Variants in GCAT observed in about 807,000 individuals in gnomAD.
GCAT encodes glycine C-acetyltransferase.
GCAT carries 26 observed loss-of-function variants against 39.7 expected under a neutral mutation model. That is an observed-to-expected ratio of 0.65 (90% CI 0.48 to 0.91). GCAT has a LOEUF of 0.91. Among genes scored for constraint, GCAT ranks in the 40% least tolerant of loss-of-function variants. The pLI is 0.00. For missense variants in GCAT, 550 were observed against 576.2 expected, an observed-to-expected ratio of 0.95 and a Z score of 0.47; for synonymous variants, 218 against 237.2, an observed-to-expected ratio of 0.92 and a Z score of 0.74.
rs1922029506 is a variant in GCAT, at chr22:37,815,222, G to A, written c.673G>A (p.Gly225Ser). The change falls in exon 5 of 9, where the codon GGT (glycine) becomes AGT (serine). Residue 225 changes from glycine (G) to serine (S), a missense_variant. By Grantham distance (56) the Gly-to-Ser change is moderately conservative (BLOSUM62 0). Coordinates refer to ENST00000248924, the MANE Select transcript of GCAT (RefSeq NM_014291.4). Reference protein sequence around the residue: ...QEICCLASRYGALVFMDECHA... With the variant: ...QEICCLASRYSALVFMDECHA... ...GATCTGCTGCCTCGCCTCTAGATAT[G>A]GTGCCCTGGTCTTCATGGATGAATG... The A allele has an allele frequency of 1.2e-6, 2 of 1,613,976 alleles. No individual in the cohort carries two copies. The highest frequency in any genetic ancestry group is 1.7e-5 in the Admixed American group (1 of 60,004).
chr22:37,815,221 T>TG lies in GCAT; in HGVS notation c.674dup (p.Ala226CysfsTer7). 1 of 1,614,094 alleles carries TG rather than the reference T, an allele frequency of 6.2e-7. No individual in the cohort carries two copies. Among genetic ancestry groups the TG allele is most frequent in the Non-Finnish European group, 8.5e-7 (1 of 1,179,994 alleles). On this transcript the variant is annotated frameshift_variant, in exon 5 of 9. Transcript: ENST00000248924. LOFTEE classifies it high-confidence loss of function. ...AGATCTGCTGCCTCGCCTCTAGATATGGTGCCCTGGTCTTCATGGATGAAT... is the reference window on the plus strand; with the variant it reads ...AGATCTGCTGCCTCGCCTCTAGATATGGGTGCCCTGGTCTTCATGGATGAAT...
Position 37,815,849 on chromosome 22 carries a change from A to C in GCAT, c.986+15A>C. The C allele has an allele frequency of 6.2e-7, 1 of 1,613,204 alleles. No homozygotes were observed. The highest frequency in any genetic ancestry group is 8.5e-7 in the Non-Finnish European group (1 of 1,179,580). Reference sequence around the variant, plus strand: ...AAGACCCAGAGGTGCGACTCCCAGCAGGGCAGGCTCGGGGGCGGAGAGACG... The same window carrying C: ...AAGACCCAGAGGTGCGACTCCCAGCCGGGCAGGCTCGGGGGCGGAGAGACG... On this transcript the variant is annotated intron_variant, in intron 7 of 8. Transcript: ENST00000248924.
chr22:37,815,654 T>A lies in GCAT; in HGVS notation c.815-9T>A, dbSNP rs1352352116. On this transcript the variant is annotated splice_polypyrimidine_tract_variant and intron_variant, in intron 6 of 8. Transcript: ENST00000248924. ...CAACCCCTCCCCCCACCTCTTCCCTTCTTCTCAGGGGGCTACACGACAGGG... is the reference window on the plus strand; with the variant it reads ...CAACCCCTCCCCCCACCTCTTCCCTACTTCTCAGGGGGCTACACGACAGGG... The A allele has an allele frequency of 1.2e-5, 20 of 1,604,794 alleles. No homozygotes were observed. The highest frequency in any genetic ancestry group is 1.6e-5 in the Non-Finnish European group (19 of 1,173,240).
chr22:37,810,007 T>C lies in GCAT; in HGVS notation c.197-20T>C. On this transcript the variant is annotated intron_variant, in intron 1 of 8. Coordinates refer to ENST00000248924, the MANE Select transcript of GCAT (RefSeq NM_014291.4). ...TGCCCCACCTGAGCTGCTGTATCCA[T>C]CTCCTCTCCTTCACCTCAGGAATCC... 6.2e-7 allele frequency: 1 copy of C among 1,613,594 alleles called. No individual in the cohort carries two copies. The highest frequency in any genetic ancestry group is 8.5e-7 in the Non-Finnish European group (1 of 1,179,676).
intron 8 of GCAT, 115 bp downstream of exon 8, chr22:37,816,436 G>A: frequency 6.5e-7 from 1 of 1,528,664 alleles, no homozygotes; most frequent in South Asian, 1.2e-5. Flanking sequence ...TAGGCCAGCT[G>A]TCTGTCTAAG....
intron 2 of GCAT, 45 bp downstream of exon 2, chr22:37,810,202 C>A: frequency 7.2e-7 from 1 of 1,389,982 alleles, no homozygotes; most frequent in Non-Finnish European, 1.0e-6. Flanking sequence ...ACCCCAGCTG[C>A]CTGCTTCCCA....
At chr22:37,814,140 GC>G (rs2145927904) in intron 4 of GCAT, among the ~76,000 whole-genome samples, 1 of 152,226 alleles carries the variant, frequency 6.6e-6, no homozygotes, top group African/African-American at 2.4e-5. Context: ...TCACTCTGTT[GC>G]CCAGGCTGTA....
intron 3 of GCAT, 148 bp from the exon 4 acceptor site, chr22:37,813,315 G>T: frequency 2.3e-6 from 2 of 888,882 alleles, no homozygotes; most frequent in Admixed American, 2.0e-5. Flanking sequence ...AGACACGGGG[G>T]CCCCAGAGAG....
chr22:37,813,075 C>T, intron 3 of GCAT, 87 bp downstream of exon 3: 1 of 954,422 alleles, frequency 1.0e-6, no homozygotes, highest in South Asian at 1.3e-5. Flanking sequence ...GAGAACCTAG[C>T]AGGATTCAGT....
At chr22:37,815,864 G>T (rs1922131353) in intron 7 of GCAT, 30 bp downstream of exon 7, 1 of 1,610,618 alleles carries the variant, frequency 6.2e-7, no homozygotes, top group African/African-American at 1.3e-5. Context: ...AGGCTCGGGG[G>T]CGGAGAGACG....
intron 1 of GCAT, among the ~76,000 whole-genome samples, chr22:37,809,796 G>A (rs1921366199): frequency 6.6e-6 from 1 of 152,110 alleles, no homozygotes; most frequent in East Asian, 1.9e-4. Context: ...CTCCAACCTG[G>A]GCGACAGAGC....
rs1314646945 is a variant in GCAT, at chr22:37,812,946, C to G, written c.387C>G (p.Ile129Met). ...IARFHQREDA[I>M]LYPSCYDANA... The stretch of plus-strand genomic sequence containing the variant: ...GCTTCCACCAGCGGGAGGATGCCAT[C>G]CTCTATCCCAGCTGTTATGACGCCA... The change falls in exon 3 of 9, where the codon ATC becomes ATG. Residue 129 changes from isoleucine (I) to methionine (M), a missense_variant. Coordinates refer to ENST00000248924, the MANE Select transcript of GCAT (RefSeq NM_014291.4). 1.9e-6 allele frequency: 3 copies of G among 1,613,890 alleles called. No individual in the cohort carries two copies. Among genetic ancestry groups the G allele is most frequent in the Non-Finnish European group, 2.5e-6 (3 of 1,179,834 alleles).
At position 37,808,180 on chromosome 22, in the gene GCAT, G is replaced by T; in HGVS notation, c.196+17G>T. On this transcript the variant is annotated intron_variant, in intron 1 of 8. Transcript: ENST00000248924. ...TCTCCGGAGGTAACGCTCCGTTCCG[G>T]GAGTCGTTCCAAGACCTTTCCCGAG... is the stretch of plus-strand genomic sequence containing the variant. 6.8e-7 allele frequency: 1 copy of T among 1,472,130 alleles called. No individual in the cohort carries two copies. Among genetic ancestry groups the T allele is most frequent in the Non-Finnish European group, 9.0e-7 (1 of 1,108,596 alleles). 91.2% of individuals were successfully genotyped at this position (1,472,130 alleles called of 1,614,324 possible). A position where few individuals can be genotyped will look rare whatever the true frequency, so the allele number is the denominator to read the frequency against.
Position 37,815,036 on chromosome 22 carries a change from G to C in GCAT, c.577-90G>C, listed in dbSNP as rs1314626383. The C allele has an allele frequency of 3.8e-6, 5 of 1,323,470 alleles. No homozygotes were observed. In the East Asian group the frequency reaches 1.2e-4, roughly 31 times the overall value. The allele number at this position is 1,323,470 out of a possible 1,614,324, so 82.0% of individuals were successfully genotyped here. On this transcript the variant is annotated intron_variant, in intron 4 of 8. Coordinates refer to ENST00000248924, the MANE Select transcript of GCAT (RefSeq NM_014291.4). ...CACCTCTGTGCTGGGCACTGGGCAG[G>C]ATGAGCTCTCAGAGCTCCAAGCAGC... is the stretch of plus-strand genomic sequence containing the variant.
intron 2 of GCAT, among the ~76,000 whole-genome samples, chr22:37,812,044 A>T (rs1921657658): frequency 6.6e-6 from 1 of 152,018 alleles, no homozygotes; most frequent in Admixed American, 6.6e-5. Flanking sequence ...TCAAGAGTCC[A>T]TGCTGGCTGG....
chr22:37,808,064 G>C lies in GCAT; in HGVS notation c.97G>C (p.Gly33Arg), dbSNP rs754629774. The C allele has an allele frequency of 6.4e-7, 1 of 1,565,340 alleles. No homozygotes were observed. Among genetic ancestry groups the C allele is most frequent in the Admixed American group, 1.9e-5 (1 of 53,024 alleles). Reference sequence around the variant, plus strand: ...GGCCCAGCTGCGTGGCATTCTGGAGGGGGAGCTGGAAGGCATCCGCGGAGC... The same window carrying C: ...GGCCCAGCTGCGTGGCATTCTGGAGCGGGAGCTGGAAGGCATCCGCGGAGC... ...ALAQLRGILE[G>R]ELEGIRGAGT... is the part of the protein sequence containing the mutation. Residue 33 changes from glycine (G) to arginine (R), a missense_variant, in exon 1 of 9, where the codon GGG (glycine) becomes CGG (arginine). Physicochemically the swap from Gly to Arg is moderately radical, Grantham distance 125. Around this residue, in one of 3 missense-constraint regions of GCAT, gnomAD observed 154 missense variants for 141.9 expected, o/e 1.08. Coordinates refer to ENST00000248924, the MANE Select transcript of GCAT (RefSeq NM_014291.4).
intron 8 of GCAT, 45 bp from the exon 9 acceptor site, chr22:37,816,522 C>G: frequency 6.2e-7 from 1 of 1,609,614 alleles, no homozygotes; most frequent in East Asian, 2.2e-5. Flanking sequence ...TGTTCTGCCC[C>G]CAAGCCTGTT....
intron 6 of GCAT, 25 bp downstream of exon 6, chr22:37,815,525 G>A (rs1280245339): frequency 1.3e-6 from 2 of 1,585,414 alleles, no homozygotes; most frequent in Non-Finnish European, 1.7e-6. Context: ...GTGTCCCTGG[G>A]GTCCCCTTGT....
At chr22:37,811,585 A>G (rs1039209871) in intron 2 of GCAT, among the ~76,000 whole-genome samples, 7 of 151,886 alleles carry the variant, frequency 4.6e-5, no homozygotes, top group Admixed American at 1.3e-4. Context: ...ATAAATTTAT[A>G]TAAGTATGAA....
Sources: gnomAD v4.1 joint callset for allele counts (sites outside exome capture counted in the v4.1 genomes callset) on GRCh38, gnomAD v4.1.1 for gene constraint, gnomAD v4.1.1 regional missense constraint, MANE v1.5 for transcripts, NCBI Gene and HGNC (gene_info 2026-07-23, HGNC 2026-07-21) for gene names.